The following PSMD4 variants were observed in gnomAD, a reference collection of about 807,000 sequenced individuals.
PSMD4 encodes the protein 26S proteasome non-ATPase regulatory subunit 4.
A neutral mutation model predicts 39.7 loss-of-function variants in PSMD4; 5 were observed. The observed-to-expected ratio is 0.13, with a 90% confidence interval of 0.07 to 0.26. The LOEUF is 0.26. Ranked by LOEUF, PSMD4 falls within the 10% of genes least tolerant of loss-of-function variation. The probability of loss-of-function intolerance (pLI) is 1.00; values close to 1 mark genes in which losing one functional copy is unlikely to be tolerated. For missense variants in PSMD4, 272 were observed against 486.1 expected (o/e 0.56, Z 4.14); for synonymous variants, 143 against 174.6 (o/e 0.82, Z 1.43).
chr1:151,258,729 G>A (rs1693243339), intron 1 of PSMD4, among the ~76,000 whole-genome samples: 1 of 151,890 alleles, frequency 6.6e-6, no homozygotes, highest in Non-Finnish European at 1.5e-5. Context: ...CCTAAGTGCT[G>A]GGATTACAGG....
intron 6 of PSMD4, 50 bp downstream of exon 6, chr1:151,265,659 C>T: frequency 6.4e-7 from 1 of 1,560,220 alleles, no homozygotes. Context: ...TCTTTGTTCT[C>T]TTCTGGCACA....
intron 9 of PSMD4, 41 bp from the exon 10 acceptor site, chr1:151,267,132 C>G (rs587689390): frequency 6.2e-7 from 1 of 1,612,000 alleles, no homozygotes; most frequent in Non-Finnish European, 8.5e-7. Flanking sequence ...TACTTCCTGC[C>G]GCTCCATACC....
intron 1 of PSMD4, 68 bp from the exon 2 acceptor site, chr1:151,262,093 A>C: frequency 6.3e-7 from 1 of 1,580,090 alleles, no homozygotes; most frequent in Non-Finnish European, 8.7e-7. Context: ...GGGCCTCTGG[A>C]ACTGGAGAGA....
chr1:151,260,922 T>C (rs1407419529), intron 1 of PSMD4, among the ~76,000 whole-genome samples: 1 of 151,572 alleles, frequency 6.6e-6, no homozygotes, highest in African/African-American at 2.4e-5. Flanking sequence ...CTTGACTCAC[T>C]GCAACCTCGG....
intron 3 of PSMD4, 93 bp downstream of exon 3, chr1:151,264,121 C>T (rs1203484474): frequency 1.2e-5 from 12 of 1,002,936 alleles, no homozygotes; most frequent in Non-Finnish European, 1.8e-5. Context: ...TGAGCTAGGA[C>T]CAGAGCAAGA....
intron 1 of PSMD4, among the ~76,000 whole-genome samples, chr1:151,258,653 G>A (rs2101835579): frequency 6.6e-6 from 1 of 151,810 alleles, no homozygotes; most frequent in African/African-American, 2.4e-5. Flanking sequence ...TAGAGATGGG[G>A]TTTTGTCATA....
chr1:151,260,556 T>C (rs1693291269), intron 1 of PSMD4, among the ~76,000 whole-genome samples: 1 of 152,130 alleles, frequency 6.6e-6, no homozygotes, highest in South Asian at 2.1e-4. Context: ...TGCTGCCAAG[T>C]GTGTGTTATT....
intron 3 of PSMD4, 30 bp downstream of exon 3, chr1:151,264,058 C>A: frequency 6.8e-7 from 1 of 1,470,548 alleles, no homozygotes; most frequent in Non-Finnish European, 9.3e-7. Context: ...CTGGACCTTT[C>A]CTCCCTGCTC....
intron 1 of PSMD4, among the ~76,000 whole-genome samples, chr1:151,256,358 AATAATAAAAT>A (rs1693167868): frequency 5.3e-5 from 2 of 37,866 alleles, no homozygotes; most frequent in Middle Eastern, 0.011. Flanking sequence ...AAAAAAAAAT[AATAATAAAAT>A]AAATAAATAA....
intron 1 of PSMD4, among the ~76,000 whole-genome samples, chr1:151,256,335 C>T (rs1422733985): frequency 1.9e-5 from 2 of 102,994 alleles, no homozygotes; most frequent in South Asian, 3.4e-4. Context: ...CAGAGTGAGA[C>T]TCCCTCTCAA....
intron 3 of PSMD4, 79 bp from the exon 4 acceptor site, chr1:151,264,753 A>G (rs1693390393): frequency 8.3e-7 from 1 of 1,204,084 alleles, no homozygotes; most frequent in East Asian, 2.5e-5. Flanking sequence ...AAACTGTAAG[A>G]AAAAGGGAAC....
intron 1 of PSMD4, among the ~76,000 whole-genome samples, chr1:151,256,807 CCCGCAACCTTCGGCTCA>C (rs1387039431): frequency 6.9e-6 from 1 of 144,888 alleles, no homozygotes; most frequent in Non-Finnish European, 1.5e-5. Context: ...ATCTCAGCTC[CCCGCAACCTTCGGCTCA>C]CCGCAACCTC....
intron 6 of PSMD4, 63 bp downstream of exon 6, chr1:151,265,672 C>A: frequency 1.3e-6 from 2 of 1,513,754 alleles, no homozygotes; most frequent in Non-Finnish European, 1.8e-6. Flanking sequence ...CTGGCACACA[C>A]ATCACAGAGC....
intron 1 of PSMD4, among the ~76,000 whole-genome samples, chr1:151,256,329 G>T (rs1322371611): frequency 7.7e-6 from 1 of 129,246 alleles, no homozygotes; most frequent in Admixed American, 8.5e-5. Flanking sequence ...GGGCGACAGA[G>T]TGAGACTCCC....
chr1:151,256,367 ATAAATAAAT>A (rs1693169967), intron 1 of PSMD4, among the ~76,000 whole-genome samples: 10 of 139,502 alleles, frequency 7.2e-5, no homozygotes, highest in East Asian at 6.8e-4. Flanking sequence ...TAATAATAAA[ATAAATAAAT>A]AAATAAATAA....
intron 1 of PSMD4, 27 bp downstream of exon 1, chr1:151,254,835 G>A: frequency 2.0e-6 from 3 of 1,495,922 alleles, no homozygotes; most frequent in South Asian, 2.7e-5. Context: ...GGGCAGGAGG[G>A]GCAGAGCTGG....
At chr1:151,263,429 C>G (rs986062057) in intron 2 of PSMD4, among the ~76,000 whole-genome samples, 17 of 151,798 alleles carry the variant, frequency 1.1e-4, no homozygotes, top group African/African-American at 4.1e-4. Context: ...CGCCACTGCA[C>G]GCCAGCCTGG....
chr1:151,254,838 A>G lies in PSMD4; in HGVS notation c.26+30A>G, dbSNP rs145015456. Reference sequence around the variant, plus strand: ...GGAGCTACTTCGGGGCAGGAGGGGCAGAGCTGGGTTCCGGGCGCGTGTAGC... The same window carrying G: ...GGAGCTACTTCGGGGCAGGAGGGGCGGAGCTGGGTTCCGGGCGCGTGTAGC... On this transcript the variant is annotated intron_variant, in intron 1 of 9. Coordinates refer to ENST00000368884, the MANE Select transcript of PSMD4 (RefSeq NM_002810.4). 1.7e-3 allele frequency: 2,547 copies of G among 1,462,432 alleles called. 44 individuals carry two copies. The highest frequency in any genetic ancestry group is 0.01 in the East Asian group (361 of 34,676). The allele number at this position is 1,462,432 out of a possible 1,614,324, so 90.6% of individuals were successfully genotyped here. A position where few individuals can be genotyped will look rare whatever the true frequency, so the allele number is the denominator to read the frequency against.
intron 7 of PSMD4, 74 bp downstream of exon 7, chr1:151,266,186 G>C: frequency 6.3e-7 from 1 of 1,589,716 alleles, no homozygotes; most frequent in African/African-American, 1.3e-5. Flanking sequence ...GGCACTGCAG[G>C]GAGAGTGTGG....
Sources: allele counts gnomAD v4.1 joint callset (sites outside exome capture counted in the v4.1 genomes callset), GRCh38; gene constraint gnomAD v4.1.1; transcripts MANE v1.5; gene names NCBI Gene and HGNC (gene_info 2026-07-23, HGNC 2026-07-21).